Variants in FAM171A1 observed in about 807,000 individuals in gnomAD.
The protein encoded by FAM171A1 is family with sequence similarity 171 member A1.
FAM171A1 carries 23 observed loss-of-function variants against 74.9 expected under a neutral mutation model. That is an observed-to-expected ratio of 0.31 (90% CI 0.22 to 0.44). The LOEUF is 0.44. FAM171A1 is among the 20% of genes least tolerant of loss of function. The probability of loss-of-function intolerance (pLI) is 1.00; values close to 1 mark genes in which losing one functional copy is unlikely to be tolerated. For synonymous variants in FAM171A1, 527 were observed against 505.7 expected, an observed-to-expected ratio of 1.04 and a Z score of -0.57; for missense variants, 1,162 against 1,159.2, an observed-to-expected ratio of 1.00 and a Z score of -0.03.
chr10:15,363,203 C>T (rs1588572775), intron 1 of FAM171A1, among the ~76,000 whole-genome samples: 1 of 152,124 alleles, frequency 6.6e-6, no homozygotes, highest in Non-Finnish European at 1.5e-5. Context: ...GCATGGAGGT[C>T]GTAAAGGCCG....
At chr10:15,352,059 ATTTTTTTTTGT>A (rs77544426) in intron 1 of FAM171A1, among the ~76,000 whole-genome samples, 15 of 46,242 alleles carry the variant, frequency 3.2e-4, no homozygotes, top group African/African-American at 7.0e-4. Flanking sequence ...AAAAAATACA[ATTTTTTTTTGT>A]AAAAATACAA....
intron 1 of FAM171A1, among the ~76,000 whole-genome samples, chr10:15,309,622 G>A (rs963698246): frequency 2.6e-5 from 4 of 152,210 alleles, no homozygotes; most frequent in African/African-American, 9.7e-5. Context: ...TCAAAGTCTT[G>A]GCCGACAATT....
chr10:15,263,712 A>G (rs1834692767), intron 3 of FAM171A1, among the ~76,000 whole-genome samples: 1 of 147,766 alleles, frequency 6.8e-6, no homozygotes, highest in African/African-American at 2.5e-5. Context: ...CTATCCATCT[A>G]TCCTATCAAT....
At chr10:15,283,774 G>A in intron 2 of FAM171A1, 104 bp downstream of exon 2, 2 of 1,087,476 alleles carry the variant, frequency 1.8e-6, no homozygotes, top group East Asian at 2.5e-5. Flanking sequence ...TTGTAGAGAT[G>A]CAGTCTCACT....
intron 5 of FAM171A1, among the ~76,000 whole-genome samples, chr10:15,236,519 G>A (rs866189493): frequency 6.6e-6 from 1 of 151,802 alleles, no homozygotes; most frequent in East Asian, 1.9e-4. Context: ...CACACAACGA[G>A]TCACCAGAGG....
At chr10:15,284,215 G>T in intron 1 of FAM171A1, 110 bp from the exon 2 acceptor site, 1 of 924,854 alleles carries the variant, frequency 1.1e-6, no homozygotes. Context: ...AGGACATCAA[G>T]GTTGACACTC....
Position 15,330,575 on chromosome 10 carries a change from G to T in FAM171A1, c.97+40381C>A, listed in dbSNP as rs147292791. Among the ~76,000 whole-genome samples the T allele has an allele frequency of 6.6e-5, 10 of 152,148 alleles. No homozygotes were observed. The East Asian group carries it at 1.9e-3, about 29-fold the overall frequency. ...AGTGTTGTGCAACCAATTGAAAGCT[G>T]TTCAGTTTATTTCTGACACAAACGT... On this transcript the variant is annotated intron_variant, in intron 1 of 7. Coordinates refer to ENST00000378116, the MANE Select transcript of FAM171A1 (RefSeq NM_001010924.2).
chr10:15,300,293 A>G (rs1269129455), intron 1 of FAM171A1, among the ~76,000 whole-genome samples: 2 of 152,230 alleles, frequency 1.3e-5, no homozygotes, highest in Non-Finnish European at 2.9e-5. Context: ...CACAGAATGC[A>G]CATTTCACGA....
chr10:15,255,727 G>C (rs1007726140), intron 3 of FAM171A1, among the ~76,000 whole-genome samples: 1 of 150,636 alleles, frequency 6.6e-6, no homozygotes, highest in East Asian at 2.0e-4. Context: ...TCAACTCCCT[G>C]CAACCTCTGC....
At chr10:15,324,019 T>C (rs904439556) in intron 1 of FAM171A1, among the ~76,000 whole-genome samples, 12 of 152,170 alleles carry the variant, frequency 7.9e-5, no homozygotes, top group Admixed American at 5.9e-4. Flanking sequence ...TTAGCCCATT[T>C]GCCAGCCCTG....
intron 1 of FAM171A1, among the ~76,000 whole-genome samples, chr10:15,363,152 T>C (rs1287931683): frequency 1.3e-5 from 2 of 152,062 alleles, no homozygotes; most frequent in Admixed American, 6.6e-5. Flanking sequence ...CGATTTGAAC[T>C]GGGAAGAGCA....
chr10:15,305,081 T>C (rs1388978538), intron 1 of FAM171A1, among the ~76,000 whole-genome samples: 1 of 152,194 alleles, frequency 6.6e-6, no homozygotes, highest in Non-Finnish European at 1.5e-5. Context: ...ACTGGTCTGT[T>C]GGCCTCACCA....
intron 1 of FAM171A1, among the ~76,000 whole-genome samples, chr10:15,284,932 T>TAAAAAAAAAAA (rs553987604): frequency 4.1e-5 from 4 of 98,692 alleles, no homozygotes; most frequent in South Asian, 3.0e-4. Context: ...AGAAAAAGAA[T>TAAAAAAAAAAA]AAAAAAAAAA....
intron 3 of FAM171A1, among the ~76,000 whole-genome samples, chr10:15,263,837 T>G (rs1430743578): frequency 6.6e-6 from 1 of 151,846 alleles, no homozygotes; most frequent in African/African-American, 2.4e-5. Context: ...CATCTATCTA[T>G]ACATTTATCT....
chr10:15,336,274 C>T (rs1835698522), intron 1 of FAM171A1, among the ~76,000 whole-genome samples: 1 of 151,690 alleles, frequency 6.6e-6, no homozygotes, highest in African/African-American at 2.4e-5. Context: ...GTATTATGCA[C>T]ACGTTCCTCC....
intron 1 of FAM171A1, among the ~76,000 whole-genome samples, chr10:15,291,451 G>A (rs577873409): frequency 2.0e-5 from 3 of 152,292 alleles, no homozygotes; most frequent in East Asian, 3.9e-4. Flanking sequence ...CTCAACAGCC[G>A]TGACTGGCTA....
intron 7 of FAM171A1, among the ~76,000 whole-genome samples, chr10:15,215,646 G>A (rs1833957515): frequency 6.6e-6 from 1 of 152,178 alleles, no homozygotes; most frequent in African/African-American, 2.4e-5. Flanking sequence ...GATTACAGGT[G>A]TGAGCCAACG....
At chr10:15,218,281 G>C (rs933996992) in intron 6 of FAM171A1, among the ~76,000 whole-genome samples, 1 of 151,672 alleles carries the variant, frequency 6.6e-6, no homozygotes, top group East Asian at 1.9e-4. Context: ...GGGTTTCAAC[G>C]TGTTAGCCAG....
intron 1 of FAM171A1, among the ~76,000 whole-genome samples, chr10:15,298,988 T>G (rs1320407258): frequency 6.6e-6 from 1 of 152,168 alleles, no homozygotes; most frequent in Non-Finnish European, 1.5e-5. Flanking sequence ...TGGCATGATC[T>G]CGGCTCACTG....
Sources: gnomAD v4.1 joint callset for allele counts (sites outside exome capture counted in the v4.1 genomes callset) on GRCh38, gnomAD v4.1.1 for gene constraint, MANE v1.5 for transcripts, NCBI Gene and HGNC (gene_info 2026-07-23, HGNC 2026-07-21) for gene names.